Variants in GPN3 observed in about 807,000 individuals in gnomAD.
GPN3 encodes the protein ATP-binding domain 1 family member C.
In GPN3, 31 loss-of-function variants were observed where a neutral mutation model predicts 38.7. That is an observed-to-expected ratio of 0.80 (90% confidence interval 0.60 to 1.08). The LOEUF is 1.08. Ranked by LOEUF, GPN3 falls within the 50% of genes least tolerant of loss-of-function variation. GPN3 has a pLI of 0.00. For synonymous variants in GPN3, 116 were observed against 120.2 expected (o/e 0.96, Z 0.23); for missense variants, 301 against 354.4 (o/e 0.85, Z 1.21).
At chr12:110,457,995 T>A (rs562462355) in intron 3 of GPN3, among the ~76,000 whole-genome samples, 1 of 152,084 alleles carries the variant, frequency 6.6e-6, no homozygotes, top group African/African-American at 2.4e-5. Flanking sequence ...CCAGGCGTGG[T>A]GGTGCGCGCC....
intron 2 of GPN3, chr12:110,461,025 G>A (rs1369511221): frequency 3.2e-6 from 5 of 1,584,176 alleles, no homozygotes; most frequent in Non-Finnish European, 4.3e-6. Context: ...AAGAAAAAGG[G>A]CCATTCTGCC....
intron 2 of GPN3, chr12:110,460,973 C>T: frequency 7.8e-7 from 1 of 1,274,302 alleles, no homozygotes; most frequent in Non-Finnish European, 1.1e-6. Context: ...CACTTTCCAA[C>T]TTGGACCCAG....
rs1025713796 is a variant in GPN3 at position 110,458,789 on chromosome 12, GA to G, written c.325+905del. On this transcript the variant is annotated intron_variant, in intron 3 of 7. Transcript: ENST00000228827. The surrounding 1 kb of genome is among the most constrained non-coding windows in gnomAD (Gnocchi z 4.4). Reference sequence around the variant, plus strand: ...GAATGAAACTCAGTCTCAAAAAAAAGAAAAAAAAAAAAGAAAATTCACGATT... The same window carrying G: ...GAATGAAACTCAGTCTCAAAAAAAAGAAAAAAAAAAAGAAAATTCACGATT... Among the ~76,000 whole-genome samples the G allele has an allele frequency of 2.9e-4, 39 of 133,460 alleles. No homozygotes were observed. The highest frequency in any genetic ancestry group is 6.4e-4 in the East Asian group (3 of 4,652). 87.6% of individuals were successfully genotyped at this position (133,460 alleles called of 152,430 possible).
intron 6 of GPN3, 133 bp from the exon 7 acceptor site, chr12:110,454,004 A>T: frequency 1.6e-6 from 1 of 619,014 alleles, no homozygotes; most frequent in Non-Finnish European, 2.8e-6. Flanking sequence ...GAAGAGGAGG[A>T]GAAGGGATAG....
intron 1 of GPN3, 109 bp from the exon 2 acceptor site, chr12:110,465,323 G>A (rs1324016969): frequency 1.4e-6 from 1 of 716,922 alleles, no homozygotes; most frequent in Admixed American, 2.0e-5. Flanking sequence ...CATCAACCAA[G>A]AGGCTGACTG....
rs1469306917 is a variant in GPN3 at position 110,455,837 on chromosome 12, T to C, written c.544A>G (p.Lys182Glu). 1 of 1,594,392 alleles carries C rather than the reference T, an allele frequency of 6.3e-7. No homozygotes were observed. The highest frequency in any genetic ancestry group is 8.6e-7 in the Non-Finnish European group (1 of 1,161,948). Residue 182 changes from lysine (K) to glutamate (E), a missense_variant, in exon 5 of 8, where the codon AAA (lysine) becomes GAA (glutamate). Physicochemically the swap from Lys to Glu is moderately conservative, Grantham distance 56 (BLOSUM62 1). Coordinates refer to ENST00000228827, the MANE Select transcript of GPN3 (RefSeq NM_016301.4). ...IMTKMDLLSK[K>E]AKKEIEKFLD... Reference sequence around the variant, plus strand: ...CACTTCTCAATTTCCTTTTTTGCTTTTTTACTCAGCAGATCCATTTTTGTC... The same window carrying C: ...CACTTCTCAATTTCCTTTTTTGCTTCTTTACTCAGCAGATCCATTTTTGTC...
intron 2 of GPN3, among the ~76,000 whole-genome samples, chr12:110,463,315 G>T (rs1207621957): frequency 2.6e-5 from 4 of 151,226 alleles, no homozygotes; most frequent in Admixed American, 6.6e-5. Context: ...AATTACCCAG[G>T]CATGATAGTG....
At chr12:110,466,961 C>T (rs1015768748) in intron 1 of GPN3, among the ~76,000 whole-genome samples, 1 of 151,878 alleles carries the variant, frequency 6.6e-6, no homozygotes, top group Non-Finnish European at 1.5e-5. Flanking sequence ...TGAGGCCACA[C>T]AACACCTCCA....
intron 7 of GPN3, 44 bp downstream of exon 7, chr12:110,453,699 A>G: frequency 6.5e-7 from 1 of 1,550,126 alleles, no homozygotes; most frequent in Non-Finnish European, 8.9e-7. Flanking sequence ...GTGCTGGCAA[A>G]TATTTTTATC....
At chr12:110,460,350 T>C (rs754950865) in intron 2 of GPN3, among the ~76,000 whole-genome samples, 10 of 152,196 alleles carry the variant, frequency 6.6e-5, no homozygotes, top group Non-Finnish European at 7.3e-5. Context: ...CCTGTATACT[T>C]ACTCTTTAGT....
At chr12:110,465,417 C>T (rs374621045) in intron 1 of GPN3, among the ~76,000 whole-genome samples, 59 of 152,320 alleles carry the variant, frequency 3.9e-4, no homozygotes, top group African/African-American at 1.4e-3. Context: ...ATTTACTTCT[C>T]CACTCTGCCC....
chr12:110,455,703 G>A (rs535643449), intron 5 of GPN3, 21 bp from the exon 6 acceptor site: 10 of 1,083,236 alleles, frequency 9.2e-6, no homozygotes, highest in Admixed American at 8.8e-5. Context: ...CAGAAAGACT[G>A]ATGAATTCAG....
In GPN3 at chr12:110,465,123, T is replaced by C. The variant is rs764325175; in HGVS notation, c.140A>G (p.Asn47Ser). 1.4e-5 allele frequency: 23 copies of C among 1,592,342 alleles called. No homozygotes were observed. The highest frequency in any genetic ancestry group is 4.5e-5 in the East Asian group (2 of 44,832). ...GGACTTACCAGCCATCACGGAGTAG[T>C]TGAAGTGTTCTGCTGCTGGATCCAG... is the stretch of plus-strand genomic sequence containing the variant. ...VNLDPAAEHF[N>S]YSVMADIREL... is the part of the protein sequence containing the mutation. Residue 47 changes from asparagine to serine, a missense_variant, in exon 2 of 8, where the codon AAC (asparagine) becomes AGC (serine). By Grantham distance (46) the Asn-to-Ser change is conservative. Transcript: ENST00000228827.
intron 4 of GPN3, among the ~76,000 whole-genome samples, chr12:110,456,530 G>A (rs2062550953): frequency 6.6e-6 from 1 of 151,924 alleles, no homozygotes. Context: ...AATTTAGACA[G>A]CATTTTAATT....
chr12:110,465,254 AGT>A (rs1440285472), intron 1 of GPN3, 40 bp from the exon 2 acceptor site: 1 of 1,091,746 alleles, frequency 9.2e-7, no homozygotes, highest in Non-Finnish European at 1.4e-6. Context: ...AGCAACAGGT[AGT>A]GTAGTGCTAC....
rs138166782 is a variant in GPN3, at chr12:110,453,093, G to A, written c.796C>T (p.Arg266Cys). ...EDLEFKEPKE[R>C]EDESSSMFDE... ...AACATAGAGGAAGACTCATCTTCAC[G>A]TTCCTGACACAATGGAAACACAAAA... The change falls in exon 8 of 8, where the codon CGT (arginine) becomes TGT (cysteine). Residue 266 changes from arginine (R) to cysteine (C), a missense_variant. By Grantham distance (180) the Arg-to-Cys change is radical. Coordinates refer to ENST00000228827, the MANE Select transcript of GPN3 (RefSeq NM_016301.4). 6 of 1,389,630 alleles carry A rather than the reference G, an allele frequency of 4.3e-6. No homozygotes were observed. Among genetic ancestry groups the A allele is most frequent in the Non-Finnish European group, 6.1e-6 (6 of 978,548 alleles). 86.1% of individuals were successfully genotyped at this position (1,389,630 alleles called of 1,614,324 possible).
At chr12:110,461,241 G>T (rs542111980) in intron 2 of GPN3, 3 of 1,300,476 alleles carry the variant, frequency 2.3e-6, no homozygotes, top group South Asian at 2.4e-5. Flanking sequence ...TACTGAATCC[G>T]TGTGCAGCTG....
At position 110,459,850 on chromosome 12, in the gene GPN3, A is replaced by C. The variant is rs776276924; in HGVS notation, c.170T>G (p.Leu57Arg). 4 of 1,613,818 alleles carry C rather than the reference A, an allele frequency of 2.5e-6. No individual in the cohort carries two copies. Among genetic ancestry groups the C allele is most frequent in the Non-Finnish European group, 3.4e-6 (4 of 1,179,804 alleles). Residue 57 changes from leucine to arginine, a missense_variant, in exon 3 of 8, where the codon CTG becomes CGG. Physicochemically the swap from Leu to Arg is moderately radical, Grantham distance 102. Transcript: ENST00000228827. The stretch of plus-strand genomic sequence containing the variant: ...CTCCATTACATCATCCACCTCGATC[A>C]GTTCCCGGATGTCTGAAAAGGACAG... ...NYSVMADIRELIEVDDVMEDD... is the reference protein window; with the variant it reads ...NYSVMADIRERIEVDDVMEDD...
rs758823756 is a variant in GPN3 at position 110,465,154 on chromosome 12, C to T, written c.109G>A (p.Val37Ile). The change falls in exon 2 of 8, where the codon GTA (valine) becomes ATA (isoleucine). Residue 37 changes from valine to isoleucine, a missense_variant. Coordinates refer to ENST00000228827, the MANE Select transcript of GPN3 (RefSeq NM_016301.4). ...CEALNRSVQV[V>I]NLDPAAEHFN... is the part of the protein sequence containing the mutation. ...TGTTCTGCTGCTGGATCCAGGTTTA[C>T]AACTTGGACAGACCGGTTGAGGGCT... The T allele has an allele frequency of 6.2e-7, 1 of 1,611,362 alleles. No individual in the cohort carries two copies.
Sources: allele counts gnomAD v4.1 joint callset (sites outside exome capture counted in the v4.1 genomes callset), GRCh38; gene constraint gnomAD v4.1.1; non-coding constraint Gnocchi (gnomAD v3.1); transcripts MANE v1.5; gene names NCBI Gene and HGNC (gene_info 2026-07-23, HGNC 2026-07-21).